The following COQ3 variants were observed in gnomAD, a reference collection of about 807,000 sequenced individuals.
The protein encoded by COQ3 is ubiquinone biosynthesis O-methyltransferase, mitochondrial.
A neutral mutation model predicts 33.1 loss-of-function variants in COQ3; 29 were observed. The ratio of observed to expected loss-of-function variants is 0.88; its 90% CI spans 0.65 to 1.19. The LOEUF is 1.19. Ranked by LOEUF, COQ3 falls within the 50% of genes most tolerant of loss-of-function variation. The probability of loss-of-function intolerance (pLI) is 0.00; values close to 1 mark genes in which losing one functional copy is unlikely to be tolerated. For synonymous variants in COQ3, 173 were observed against 157.8 expected (o/e 1.10, Z -0.72); for missense variants, 437 against 430.7 (o/e 1.01, Z -0.13).
At chr6:99,375,055 T>A (rs1276933351) in intron 5 of COQ3, among the ~76,000 whole-genome samples, 2 of 150,556 alleles carry the variant, frequency 1.3e-5, no homozygotes, top group South Asian at 2.1e-4. Context: ...CTGCAACCTC[T>A]GCCTCCCGGG....
intron 3 of COQ3, among the ~76,000 whole-genome samples, chr6:99,378,813 GAACCAGC>G (rs1379042642): frequency 1.3e-5 from 2 of 152,124 alleles, no homozygotes; most frequent in Admixed American, 6.6e-5. Context: ...AATTCTGGAT[GAACCAGC>G]AAAAACCAAC....
Position 99,383,740 on chromosome 6 carries a change from T to A in COQ3, c.191A>T (p.Tyr64Phe). ...NEYRTIWFKS[Y>F]RTIFSCLNRI... is the part of the protein sequence containing the mutation. ...GTTCAAACAGGAAAAGATCGTCCTGTAGGATTTGAACCATATGGTTCTGTA... is the reference window on the plus strand; with the variant it reads ...GTTCAAACAGGAAAAGATCGTCCTGAAGGATTTGAACCATATGGTTCTGTA... The change falls in exon 2 of 7, where the codon TAC becomes TTC. Residue 64 changes from tyrosine to phenylalanine, a missense_variant. Coordinates refer to ENST00000254759, the MANE Select transcript of COQ3 (RefSeq NM_017421.4). 1 of 1,606,552 alleles carries A rather than the reference T, an allele frequency of 6.2e-7. No homozygotes were observed. Among genetic ancestry groups the A allele is most frequent in the Non-Finnish European group, 8.5e-7 (1 of 1,177,250 alleles).
chr6:99,371,127 G>A (rs1774130969), intron 6 of COQ3, among the ~76,000 whole-genome samples: 1 of 152,222 alleles, frequency 6.6e-6, no homozygotes, highest in South Asian at 2.1e-4. Flanking sequence ...CTGAGAATGT[G>A]TAAATAACAG....
At chr6:99,394,022 C>G in intron 1 of COQ3, 52 bp downstream of exon 1, 1 of 1,487,736 alleles carries the variant, frequency 6.7e-7, no homozygotes, top group Admixed American at 1.7e-5. Flanking sequence ...TGCGCAGAGA[C>G]GCCAGCGCTC....
Position 99,385,648 on chromosome 6 carries a change from T to C in COQ3, c.107-1824A>G, listed in dbSNP as rs536642819. Among the ~76,000 whole-genome samples, 3 of 152,156 alleles carry C rather than the reference T, an allele frequency of 2.0e-5. No individual in the cohort carries two copies. The South Asian group carries it at 6.2e-4, about 32-fold the overall frequency. ...GCTAAAGGAGCACTGAGAGGTCAAT[T>C]TATATCACTAAAATAATCATATTGA... On this transcript the variant is annotated intron_variant, in intron 1 of 6. Transcript: ENST00000254759.
intron 5 of COQ3, among the ~76,000 whole-genome samples, chr6:99,375,583 C>T (rs907972123): frequency 2.0e-5 from 3 of 152,066 alleles, no homozygotes; most frequent in South Asian, 2.1e-4. Flanking sequence ...TGGGGTTTCA[C>T]CATGTTACCC....
chr6:99,390,201 T>C (rs556439636), intron 1 of COQ3, among the ~76,000 whole-genome samples: 5 of 152,332 alleles, frequency 3.3e-5, no homozygotes, highest in Non-Finnish European at 7.3e-5. Context: ...TCAAGAATGA[T>C]GTCAAAGGGT....
chr6:99,376,081 C>T lies in COQ3; in HGVS notation c.588G>A (p.Lys196=). The change falls in exon 5 of 7, where the codon AAG becomes AAA. Residue 196 remains lysine, a synonymous_variant. Transcript: ENST00000254759. ...GGGAACACACTCTGTACTCTATTCTCTTATCCAGGACTGGATCAAATGATT... is the reference window on the plus strand; with the variant it reads ...GGGAACACACTCTGTACTCTATTCTTTTATCCAGGACTGGATCAAATGATT... The part of the protein sequence containing the change: ...CHKSFDPVLD[K]RIEYRVCSLE... 1.2e-6 allele frequency: 2 copies of T among 1,614,118 alleles called. No individual in the cohort carries two copies. Among genetic ancestry groups the T allele is most frequent in the Non-Finnish European group, 1.7e-6 (2 of 1,179,970 alleles).
At chr6:99,389,313 C>T (rs1774756886) in intron 1 of COQ3, among the ~76,000 whole-genome samples, 1 of 152,118 alleles carries the variant, frequency 6.6e-6, no homozygotes, top group South Asian at 2.1e-4. Flanking sequence ...TTAGTAGAGA[C>T]AGGCTTTCGC....
At chr6:99,370,510 G>A (rs1019687258) in intron 6 of COQ3, among the ~76,000 whole-genome samples, 4 of 151,322 alleles carry the variant, frequency 2.6e-5, no homozygotes, top group Non-Finnish European at 4.4e-5. Context: ...CACCACACCC[G>A]GCTAATTTTT....
At chr6:99,371,361 A>T in intron 6 of COQ3, 67 bp downstream of exon 6, 1 of 1,061,772 alleles carries the variant, frequency 9.4e-7, no homozygotes, top group South Asian at 1.5e-5. Context: ...TAAGTGCGTA[A>T]TAATTACTGG....
chr6:99,372,512 G>A (rs1373504590), intron 5 of COQ3, among the ~76,000 whole-genome samples: 1 of 151,834 alleles, frequency 6.6e-6, no homozygotes, highest in Non-Finnish European at 1.5e-5. Context: ...CCACCTCCCG[G>A]GTTCAAGCGA....
At chr6:99,370,054 A>G (rs371976433) in intron 6 of COQ3, among the ~76,000 whole-genome samples, 75 of 152,276 alleles carry the variant, frequency 4.9e-4, no homozygotes, top group African/African-American at 1.8e-3. Context: ...ACTCCAACGC[A>G]GTCTGCCTGG....
chr6:99,386,969 C>T (rs1774669435), intron 1 of COQ3, among the ~76,000 whole-genome samples: 1 of 152,156 alleles, frequency 6.6e-6, no homozygotes, highest in African/African-American at 2.4e-5. Flanking sequence ...TCAAAGAGTA[C>T]AGCAAAGACT....
chr6:99,371,809 G>C (rs1042370564), intron 5 of COQ3, among the ~76,000 whole-genome samples: 1 of 152,024 alleles, frequency 6.6e-6, no homozygotes, highest in East Asian at 1.9e-4. Flanking sequence ...ATATACAACA[G>C]TGCTTACAAC....
chr6:99,374,800 A>G (rs1774238607), intron 5 of COQ3, among the ~76,000 whole-genome samples: 1 of 152,200 alleles, frequency 6.6e-6, no homozygotes, highest in Non-Finnish European at 1.5e-5. Context: ...TGTGATAACA[A>G]TACCTGCCTT....
chr6:99,374,122 C>CAAA (rs146515261), intron 5 of COQ3, among the ~76,000 whole-genome samples: 36 of 86,428 alleles, frequency 4.2e-4, no homozygotes, highest in East Asian at 2.1e-3. Flanking sequence ...CTGACATTAG[C>CAAA]AAAAAAAAAA....
chr6:99,390,146 G>C (rs2128473979), intron 1 of COQ3, among the ~76,000 whole-genome samples: 1 of 152,110 alleles, frequency 6.6e-6, no homozygotes, highest in Admixed American at 6.6e-5. Context: ...AATTACATAG[G>C]TTATTTCATT....
At chr6:99,372,604 G>A (rs542275150) in intron 5 of COQ3, among the ~76,000 whole-genome samples, 2 of 152,132 alleles carry the variant, frequency 1.3e-5, no homozygotes, top group East Asian at 3.9e-4. Flanking sequence ...TTTTAGTAGA[G>A]ACGGGGTTTC....
Sources: gnomAD v4.1 joint callset for allele counts (sites outside exome capture counted in the v4.1 genomes callset) on GRCh38, gnomAD v4.1.1 for gene constraint, MANE v1.5 for transcripts, NCBI Gene and HGNC (gene_info 2026-07-23, HGNC 2026-07-21) for gene names.